GLRA2: variants seen among roughly 807,000 people sequenced by gnomAD.
GLRA2 encodes glycine receptor alpha 2.
GLRA2 carries 11 observed loss-of-function variants against 31.6 expected under a neutral mutation model. The ratio of observed to expected loss-of-function variants is 0.35; its 90% CI spans 0.22 to 0.58. The LOEUF is 0.58. Among genes scored for constraint, GLRA2 ranks in the 20% least tolerant of loss-of-function variants. GLRA2 has a pLI of 0.84. For synonymous variants in GLRA2, 132 were observed against 134.0 expected (o/e 0.99, Z 0.10); for missense variants, 212 against 351.8 (o/e 0.60, Z 3.18).
At chrX:14,639,007 A>G (rs2090745671) in intron 7 of GLRA2, among the ~76,000 whole-genome samples, 1 of 111,486 alleles carries the variant, frequency 9.0e-6, no homozygotes, top group Admixed American at 9.6e-5. Flanking sequence ...TACAGTAGAT[A>G]AAACATCCAG....
At chrX:14,576,797 T>A (rs2089963586) in intron 3 of GLRA2, among the ~76,000 whole-genome samples, 1 of 112,180 alleles carries the variant, frequency 8.9e-6, no homozygotes, top group Non-Finnish European at 1.9e-5. Context: ...GCCAGAAAAT[T>A]TGGAAACTGT....
intron 7 of GLRA2, among the ~76,000 whole-genome samples, chrX:14,662,174 C>T (rs1398951797): frequency 9.1e-6 from 1 of 110,280 alleles, no homozygotes; most frequent in Non-Finnish European, 1.9e-5. Context: ...ATAATTCCTT[C>T]TGTTGAGTTG....
chrX:14,683,647 C>T (rs909945225), intron 7 of GLRA2, among the ~76,000 whole-genome samples: 2 of 111,532 alleles, frequency 1.8e-5, no homozygotes, highest in Non-Finnish European at 3.8e-5. Flanking sequence ...ATGGTATTGC[C>T]TAGGTTTCCT....
intron 4 of GLRA2, among the ~76,000 whole-genome samples, chrX:14,596,962 T>A (rs2090213282): frequency 9.0e-6 from 1 of 111,557 alleles, no homozygotes; most frequent in African/African-American, 3.3e-5. Flanking sequence ...GCGGTGTTTT[T>A]TATCCCAGTG....
intron 2 of GLRA2, among the ~76,000 whole-genome samples, chrX:14,554,681 A>G (rs2089617478): frequency 8.9e-6 from 1 of 111,859 alleles, no homozygotes; most frequent in Non-Finnish European, 1.9e-5. Context: ...ATTTTATTTA[A>G]CTCATTAGTC....
chrX:14,553,745 C>T (rs950370822), intron 2 of GLRA2, among the ~76,000 whole-genome samples: 1 of 111,846 alleles, frequency 8.9e-6, no homozygotes, highest in Non-Finnish European at 1.9e-5. Context: ...AGAGTACTCT[C>T]ATCCAATGAC....
the GLRA2 span, among the ~76,000 whole-genome samples, chrX:14,494,965 C>T: frequency 8.9e-6 from 1 of 111,971 alleles, no homozygotes; most frequent in Non-Finnish European, 1.9e-5. Flanking sequence ...CTTTCATCCT[C>T]CAAGTTAAGT....
chrX:14,497,720 T>G, the GLRA2 span, among the ~76,000 whole-genome samples: 1 of 111,808 alleles, frequency 8.9e-6, no homozygotes, highest in East Asian at 2.8e-4. Context: ...TTCTTAGTTT[T>G]AAAAAATGTT....
chrX:14,585,076 G>T (rs757909688), intron 4 of GLRA2, among the ~76,000 whole-genome samples: 1 of 111,404 alleles, frequency 9.0e-6, no homozygotes, highest in Non-Finnish European at 1.9e-5. Context: ...GGATTAGGTG[G>T]GGATTGTCCT....
intron 7 of GLRA2, among the ~76,000 whole-genome samples, chrX:14,639,255 A>C (rs1244991940): frequency 9.0e-6 from 1 of 111,489 alleles, no homozygotes; most frequent in East Asian, 2.8e-4. Flanking sequence ...CTCAATGGGA[A>C]CCACTTCCCA....
At chrX:14,661,874 G>GAAAAAAAAAAAAA (rs1182687158) in intron 7 of GLRA2, among the ~76,000 whole-genome samples, 1 of 64,481 alleles carries the variant, frequency 1.6e-5, no homozygotes. Flanking sequence ...CTCTGTCTCA[G>GAAAAAAAAAAAAA]AAAAAAAAAA....
the GLRA2 span, among the ~76,000 whole-genome samples, chrX:14,497,929 C>T: frequency 9.0e-6 from 1 of 110,792 alleles, no homozygotes; most frequent in Admixed American, 9.6e-5. Context: ...ATGGATTATG[C>T]ATCACAAGTA....
intron 4 of GLRA2, among the ~76,000 whole-genome samples, chrX:14,598,859 TAAATA>T (rs1312946642): frequency 8.9e-6 from 1 of 111,747 alleles, no homozygotes; most frequent in Non-Finnish European, 1.9e-5. Context: ...GGAAGAAAAA[TAAATA>T]AAAAATATAA....
chrX:14,694,888 G>A (rs2091419451), intron 8 of GLRA2, among the ~76,000 whole-genome samples: 1 of 111,743 alleles, frequency 8.9e-6, no homozygotes, highest in Non-Finnish European at 1.9e-5. Context: ...ACAGATTTTT[G>A]GCTTAAGCAA....
chrX:14,545,578 A>G (rs768374137), intron 2 of GLRA2, among the ~76,000 whole-genome samples: 121 of 112,056 alleles, frequency 1.1e-3, no homozygotes, highest in African/African-American at 3.9e-3. Context: ...TGGCAGTCTT[A>G]GATACACTGC....
At chrX:14,728,328 G>C (rs1169868836) in intron 8 of GLRA2, among the ~76,000 whole-genome samples, 2 of 111,325 alleles carry the variant, frequency 1.8e-5, no homozygotes, top group Non-Finnish European at 3.8e-5. Context: ...AGGAGGTTGA[G>C]ACTGCAGTGA....
intron 2 of GLRA2, among the ~76,000 whole-genome samples, chrX:14,557,178 C>T (rs1160791448): frequency 2.4e-4 from 20 of 82,919 alleles, no homozygotes; most frequent in African/African-American, 8.5e-4. Flanking sequence ...TGCAGTGGCG[C>T]GATCTCGGCT....
intron 7 of GLRA2, 139 bp downstream of exon 7, chrX:14,609,344 G>C: frequency 2.5e-6 from 1 of 397,917 alleles, no homozygotes; most frequent in Non-Finnish European, 4.3e-6. Context: ...ACAAGAAGCT[G>C]AGTTTGAGAG....
chrX:14,612,751 A>T (rs776974875), intron 7 of GLRA2, among the ~76,000 whole-genome samples: 20 of 104,387 alleles, frequency 1.9e-4, no homozygotes, highest in Non-Finnish European at 3.7e-4. Flanking sequence ...GCATGTTCTC[A>T]CTCACAAGTG....
Sources: gnomAD v4.1 joint callset for allele counts (sites outside exome capture counted in the v4.1 genomes callset) on GRCh38, gnomAD v4.1.1 for gene constraint, MANE v1.5 for transcripts, NCBI Gene and HGNC (gene_info 2026-07-23, HGNC 2026-07-21) for gene names.